NRXN1: variants seen among roughly 807,000 people sequenced by gnomAD.
The protein encoded by NRXN1 is neurexin-1.
Under a neutral mutation model 150.9 loss-of-function variants are expected in NRXN1, and 39 were observed. The ratio of observed to expected loss-of-function variants is 0.26; its 90% CI spans 0.20 to 0.34. The LOEUF is 0.34. Among genes scored for constraint, NRXN1 ranks in the 10% least tolerant of loss-of-function variants. The pLI is 1.00. For synonymous variants in NRXN1, 924 were observed against 757.0 expected, an observed-to-expected ratio of 1.22 and a Z score of -3.62; for missense variants, 1,815 against 1,949.9, an observed-to-expected ratio of 0.93 and a Z score of 1.30.
intron 12 of NRXN1, among the ~76,000 whole-genome samples, chr2:50,507,451 TAG>T (rs1202187312): frequency 3.3e-5 from 5 of 151,278 alleles, no homozygotes; most frequent in African/African-American, 9.7e-5. Context: ...TAAACAACAG[TAG>T]AGAGCAAGGG....
intron 19 of NRXN1, among the ~76,000 whole-genome samples, chr2:50,056,438 T>C (rs1693636000): frequency 6.6e-6 from 1 of 152,112 alleles, no homozygotes; most frequent in Admixed American, 6.6e-5. Context: ...TAATTTAAAA[T>C]GTAAATATCA....
At chr2:51,011,080 C>A (rs1032413813) in intron 2 of NRXN1, among the ~76,000 whole-genome samples, 1 of 151,952 alleles carries the variant, frequency 6.6e-6, no homozygotes, top group Non-Finnish European at 1.5e-5. Flanking sequence ...AGCCTGATGG[C>A]GCTTTTTAAT....
chr2:50,388,207 A>C (rs755098083), intron 17 of NRXN1, among the ~76,000 whole-genome samples: 1 of 152,180 alleles, frequency 6.6e-6, no homozygotes, highest in Non-Finnish European at 1.5e-5. Context: ...TTCATAATAC[A>C]GTGAAGTAAA....
At chr2:50,194,713 T>C (rs683475) in intron 18 of NRXN1, among the ~76,000 whole-genome samples, 133,619 of 152,114 alleles carry the variant, frequency 0.88, 59,018 homozygotes, top group African/African-American at 0.97. Context: ...AACATAATTT[T>C]TATGAGAATG....
chr2:50,230,887 C>G (rs935188948), intron 18 of NRXN1, among the ~76,000 whole-genome samples: 1 of 152,032 alleles, frequency 6.6e-6, no homozygotes, highest in Non-Finnish European at 1.5e-5. Flanking sequence ...CATCATTTCT[C>G]ACATTTTCCC....
intron 5 of NRXN1, among the ~76,000 whole-genome samples, chr2:50,741,250 T>C (rs1477393524): frequency 6.6e-6 from 1 of 151,130 alleles, no homozygotes; most frequent in Non-Finnish European, 1.5e-5. Context: ...GATCCTTTTA[T>C]TGGTTGGATC....
At chr2:49,996,313 T>C (rs904418052) in intron 21 of NRXN1, among the ~76,000 whole-genome samples, 20 of 152,106 alleles carry the variant, frequency 1.3e-4, no homozygotes, top group African/African-American at 4.3e-4. Context: ...AACATTTTCT[T>C]TGAAAGGGAT....
At chr2:50,944,618 C>T (rs950658461) in intron 2 of NRXN1, among the ~76,000 whole-genome samples, 1 of 152,128 alleles carries the variant, frequency 6.6e-6, no homozygotes. Flanking sequence ...TTATCCTATA[C>T]TTCTATCTGG....
intron 19 of NRXN1, among the ~76,000 whole-genome samples, chr2:50,079,797 T>C (rs17039764): frequency 0.27 from 41,372 of 151,826 alleles, 5,985 homozygotes; most frequent in East Asian, 0.4. Context: ...AATTGTCCTC[T>C]TGCATGATAT....
chr2:50,343,198 C>T (rs949081241), intron 17 of NRXN1, among the ~76,000 whole-genome samples: 2 of 152,104 alleles, frequency 1.3e-5, no homozygotes, highest in African/African-American at 4.8e-5. Context: ...CTTTCTCCTT[C>T]CTTTATCTCC....
chr2:50,182,837 A>T (rs981676598), intron 18 of NRXN1, among the ~76,000 whole-genome samples: 1 of 152,120 alleles, frequency 6.6e-6, no homozygotes, highest in Non-Finnish European at 1.5e-5. Flanking sequence ...AGTCGATCCC[A>T]GGAATGCTCT....
intron 2 of NRXN1, among the ~76,000 whole-genome samples, chr2:50,956,842 C>T (rs72828314): frequency 0.12 from 18,875 of 152,126 alleles, 1,311 homozygotes; most frequent in Non-Finnish European, 0.15. Flanking sequence ...TTCATCCTAA[C>T]AAACTCAATG....
intron 15 of NRXN1, among the ~76,000 whole-genome samples, chr2:50,494,900 G>C (rs150680678): frequency 0.011 from 1,621 of 151,768 alleles, 31 homozygotes; most frequent in African/African-American, 0.036. Context: ...GCGTGGTGGC[G>C]GGTGCCTGTA....
chr2:50,580,271 C>T (rs1190125978), intron 8 of NRXN1, among the ~76,000 whole-genome samples: 1 of 152,088 alleles, frequency 6.6e-6, no homozygotes, highest in East Asian at 1.9e-4. Flanking sequence ...TTAATTTTAG[C>T]TCCGTTGTTT....
intron 21 of NRXN1, among the ~76,000 whole-genome samples, chr2:49,946,687 G>T (rs1242057474): frequency 2.0e-5 from 3 of 151,800 alleles, no homozygotes; most frequent in African/African-American, 7.3e-5. Flanking sequence ...AAGATCAGCT[G>T]GTCTTCAAAG....
chr2:50,979,147 T>A, intron 2 of NRXN1: 1 of 410,522 alleles, frequency 2.4e-6, no homozygotes, highest in South Asian at 1.9e-5. Context: ...AACCTTGATA[T>A]AGCTAAAACA....
chr2:50,911,941 T>A (rs903525669), intron 5 of NRXN1, among the ~76,000 whole-genome samples: 1 of 151,938 alleles, frequency 6.6e-6, no homozygotes, highest in Non-Finnish European at 1.5e-5. Context: ...AGGGTAGATC[T>A]AATAGAATAA....
At chr2:50,643,409 T>C (rs1373310631) in intron 5 of NRXN1, among the ~76,000 whole-genome samples, 2 of 152,044 alleles carry the variant, frequency 1.3e-5, no homozygotes, top group East Asian at 1.9e-4. Context: ...ACAATTTTTA[T>C]GTGTTTGTTC....
intron 5 of NRXN1, among the ~76,000 whole-genome samples, chr2:50,910,991 C>T (rs1023115206): frequency 6.6e-6 from 1 of 151,912 alleles, no homozygotes; most frequent in African/African-American, 2.4e-5. Flanking sequence ...TCTGGTGTCC[C>T]CTATCATCAA....
Sources: allele counts gnomAD v4.1 joint callset (sites outside exome capture counted in the v4.1 genomes callset), GRCh38; gene constraint gnomAD v4.1.1; transcripts MANE v1.5; gene names NCBI Gene and HGNC (gene_info 2026-07-23, HGNC 2026-07-21).